The following LAMA2 variants were observed in gnomAD, a reference collection of about 807,000 sequenced individuals.
LAMA2 encodes laminin subunit alpha-2.
A neutral mutation model predicts 364.8 loss-of-function variants in LAMA2; 269 were observed. That is an observed-to-expected ratio of 0.74 (90% CI 0.67 to 0.82). The LOEUF (loss-of-function observed/expected upper bound fraction) is 0.82, where lower values mean the gene tolerates loss of function less well. LAMA2 is among the 40% of genes least tolerant of loss of function. The pLI, the probability that LAMA2 is intolerant of heterozygous loss-of-function variation, is 0.00. For synonymous variants in LAMA2, 1,379 were observed against 1,370.6 expected (o/e 1.01, Z -0.14); for missense variants, 3,807 against 3,873.2 (o/e 0.98, Z 0.45).
At chr6:129,287,089 A>G (rs2326795) in intron 18 of LAMA2, among the ~76,000 whole-genome samples, 2 of 2,098 alleles carry the variant, frequency 9.5e-4, no homozygotes, top group Non-Finnish European at 3.7e-3. Flanking sequence ...GAGGGAGGGA[A>G]GGAGGGAAGG....
At chr6:129,232,725 G>A (rs1344306464) in intron 12 of LAMA2, among the ~76,000 whole-genome samples, 3 of 152,044 alleles carry the variant, frequency 2.0e-5, no homozygotes, top group African/African-American at 7.2e-5. Context: ...CATGGCAAAA[G>A]GGACTTTGCA....
chr6:129,137,338 T>A (rs753003383), intron 4 of LAMA2, among the ~76,000 whole-genome samples: 2 of 152,056 alleles, frequency 1.3e-5, no homozygotes, highest in Non-Finnish European at 2.9e-5. Context: ...ACTTTCCAGT[T>A]CTGAGTAGAA....
intron 1 of LAMA2, among the ~76,000 whole-genome samples, chr6:128,887,588 G>T (rs1275610895): frequency 6.6e-6 from 1 of 152,114 alleles, no homozygotes; most frequent in Non-Finnish European, 1.5e-5. Flanking sequence ...GATGCTGGGG[G>T]CTGGGCAAGG....
chr6:129,081,915 AT>A (rs1289821547), intron 3 of LAMA2, among the ~76,000 whole-genome samples: 1 of 152,172 alleles, frequency 6.6e-6, no homozygotes, highest in Admixed American at 6.5e-5. Context: ...AATGTGGAAA[AT>A]GCTAAAACAA....
intron 12 of LAMA2, among the ~76,000 whole-genome samples, chr6:129,227,740 TG>T (rs763918855): frequency 2.0e-5 from 3 of 152,170 alleles, no homozygotes; most frequent in Non-Finnish European, 2.9e-5. Context: ...CTGCCCCTAC[TG>T]GGTGGTGCCT....
At chr6:129,158,203 A>C in intron 8 of LAMA2, 1 of 1,613,770 alleles carries the variant, frequency 6.2e-7, no homozygotes. Context: ...TCAGTAATCA[A>C]ATAGAGCTGA....
At chr6:129,246,149 G>T (rs73774774) in intron 12 of LAMA2, among the ~76,000 whole-genome samples, 2 of 152,252 alleles carry the variant, frequency 1.3e-5, no homozygotes, top group East Asian at 1.9e-4. Context: ...TACCTTTGGG[G>T]TAGTATATAC....
intron 1 of LAMA2, among the ~76,000 whole-genome samples, chr6:128,987,042 C>A (rs1414678906): frequency 1.3e-5 from 2 of 150,570 alleles, no homozygotes; most frequent in African/African-American, 4.9e-5. Flanking sequence ...TTTTTCTAGT[C>A]TTTTGCTGCT....
chr6:128,888,120 G>A (rs181552366), intron 1 of LAMA2, among the ~76,000 whole-genome samples: 28 of 152,248 alleles, frequency 1.8e-4, no homozygotes, highest in South Asian at 6.2e-4. Flanking sequence ...CAGAAGCTCC[G>A]TTTCAGTAAA....
intron 18 of LAMA2, among the ~76,000 whole-genome samples, chr6:129,282,756 C>T (rs1270965739): frequency 6.6e-6 from 1 of 152,152 alleles, no homozygotes; most frequent in African/African-American, 2.4e-5. Context: ...CATGCTAAGA[C>T]CCACCAACAT....
chr6:129,132,904 A>G (rs1777575345), intron 4 of LAMA2, among the ~76,000 whole-genome samples: 1 of 152,238 alleles, frequency 6.6e-6, no homozygotes, highest in South Asian at 2.1e-4. Context: ...TAAATTGTCT[A>G]AATTCACACA....
intron 10 of LAMA2, among the ~76,000 whole-genome samples, chr6:129,187,056 T>C (rs1351527766): frequency 6.6e-6 from 1 of 151,834 alleles, no homozygotes; most frequent in East Asian, 1.9e-4. Flanking sequence ...GTTAAATTAT[T>C]CAAAGAGCTC....
chr6:129,435,133 A>G (rs1406568374), intron 41 of LAMA2, among the ~76,000 whole-genome samples: 4 of 152,172 alleles, frequency 2.6e-5, no homozygotes, highest in Non-Finnish European at 5.9e-5. Context: ...GAATGCAGAA[A>G]GTGGTATAAA....
intron 1 of LAMA2, among the ~76,000 whole-genome samples, chr6:128,946,414 G>A (rs1398801200): frequency 2.0e-5 from 3 of 152,176 alleles, no homozygotes; most frequent in Non-Finnish European, 4.4e-5. Context: ...ACATGTGGTG[G>A]ACTGGGATCC....
At chr6:129,366,675 CAA>C (rs1166483883) in intron 33 of LAMA2, among the ~76,000 whole-genome samples, 3 of 152,060 alleles carry the variant, frequency 2.0e-5, no homozygotes, top group Non-Finnish European at 2.9e-5. Context: ...AAAATTAAAA[CAA>C]ATTAATCCTT....
intron 12 of LAMA2, among the ~76,000 whole-genome samples, chr6:129,218,592 A>G (rs1027887402): frequency 1.3e-5 from 2 of 152,140 alleles, no homozygotes; most frequent in Non-Finnish European, 2.9e-5. Flanking sequence ...AATGCCTGAT[A>G]CAATTCTGTA....
intron 7 of LAMA2, among the ~76,000 whole-genome samples, chr6:129,153,029 A>T (rs1469597263): frequency 6.6e-6 from 1 of 152,174 alleles, no homozygotes; most frequent in Non-Finnish European, 1.5e-5. Context: ...TACTCCTAAG[A>T]AACTCAACAT....
intron 12 of LAMA2, among the ~76,000 whole-genome samples, chr6:129,219,466 C>A (rs1783648509): frequency 6.6e-6 from 1 of 151,682 alleles, no homozygotes; most frequent in Admixed American, 6.6e-5. Flanking sequence ...ACCCAGCCAT[C>A]CCATTACTGG....
In LAMA2 at chr6:129,481,352, C is replaced by T. The variant is rs1348235486; in HGVS notation, c.7662C>T (p.Phe2554=). 4 of 1,613,872 alleles carry T rather than the reference C, an allele frequency of 2.5e-6. No homozygotes were observed. Among genetic ancestry groups the T allele is most frequent in the Admixed American group, 1.7e-5 (1 of 59,996 alleles). Residue 2554 remains phenylalanine (F), a synonymous_variant, in exon 55 of 65, where the codon TTC becomes TTT. Coordinates refer to ENST00000421865, the MANE Select transcript of LAMA2 (RefSeq NM_000426.4). ...IDVGTEINLS[F]STKNESGIIL... is the part of the protein sequence containing the mutation. The stretch of plus-strand genomic sequence containing the variant: ...TAGGAACAGAAATCAACCTGTCATT[C>T]AGCACCAAGAATGAGTCCGGCATCA...
Sources: allele counts gnomAD v4.1 joint callset (sites outside exome capture counted in the v4.1 genomes callset), GRCh38; gene constraint gnomAD v4.1.1; transcripts MANE v1.5; gene names NCBI Gene and HGNC (gene_info 2026-07-23, HGNC 2026-07-21).